Variants in SMARCA4 observed in about 807,000 individuals in gnomAD.
The protein encoded by SMARCA4 is SWI/SNF related BAF chromatin remodeling complex subunit ATPase 4.
A neutral mutation model predicts 193.9 loss-of-function variants in SMARCA4; 31 were observed. The ratio of observed to expected loss-of-function variants is 0.16; its 90% confidence interval spans 0.12 to 0.22. The LOEUF (loss-of-function observed/expected upper bound fraction) is 0.22. SMARCA4 is among the 10% of genes least tolerant of loss of function. The pLI, the probability that SMARCA4 is intolerant of heterozygous loss-of-function variation, is 1.00. For synonymous variants in SMARCA4, 942 were observed against 933.1 expected (o/e 1.01, Z -0.17); for missense variants, 1,148 against 2,296.0 (o/e 0.50, Z 10.22).
At position 10,963,701 on chromosome 19, in the gene SMARCA4, G is replaced by C. The variant is rs111633430; in HGVS notation, c.-32+2527G>C. Among the ~76,000 whole-genome samples, 212 of 152,294 alleles carry C rather than the reference G, an allele frequency of 1.4e-3. 1 individual carries two copies. The highest frequency in any genetic ancestry group is 4.8e-3 in the African/African-American group (198 of 41,552). Reference sequence around the variant, plus strand: ...CCGAAACTTCACAGGCTTCTTGTGAGGGTTGAATGAGGTCACATGGGAAGC... The same window carrying C: ...CCGAAACTTCACAGGCTTCTTGTGACGGTTGAATGAGGTCACATGGGAAGC... On this transcript the variant is annotated intron_variant, in intron 1 of 34. Coordinates refer to ENST00000344626, the MANE Select transcript of SMARCA4 (RefSeq NM_003072.5).
chr19:11,024,068 G>A (rs889039440), intron 20 of SMARCA4, among the ~76,000 whole-genome samples: 13 of 152,172 alleles, frequency 8.5e-5, no homozygotes, highest in African/African-American at 3.1e-4. Flanking sequence ...TTTGTTTCCT[G>A]GCTGGCTGTA....
intron 8 of SMARCA4, 40 bp downstream of exon 8, chr19:10,991,363 C>A (rs1367363041): frequency 1.3e-6 from 2 of 1,556,658 alleles, no homozygotes; most frequent in Non-Finnish European, 1.7e-6. Flanking sequence ...GCCCGCCCAC[C>A]TGGCTGCCTG....
chr19:11,037,914 C>T (rs753123462), intron 29 of SMARCA4, among the ~76,000 whole-genome samples: 1 of 152,224 alleles, frequency 6.6e-6, no homozygotes, highest in African/African-American at 2.4e-5. Flanking sequence ...TCTTATTACA[C>T]AGTATATTCA....
chr19:11,039,722 G>A, intron 29 of SMARCA4: 2 of 399,328 alleles, frequency 5.0e-6, no homozygotes, highest in Non-Finnish European at 8.8e-6. Context: ...GCTAAGATGG[G>A]AAGATCACTT....
intron 29 of SMARCA4, among the ~76,000 whole-genome samples, chr19:11,036,584 G>T (rs1272393568): frequency 6.6e-6 from 1 of 152,174 alleles, no homozygotes; most frequent in Admixed American, 6.5e-5. Flanking sequence ...GAGGCAGTGA[G>T]TACCTTTTAA....
rs752056441 is a variant in SMARCA4, at chr19:11,030,686, C to T, written c.3383-44C>T. ...TGTTCCTTGGTGTCCCCACTCTACC[C>T]CTGAGGTCACCCCGCTGACCCTGTT... On this transcript the variant is annotated intron_variant, in intron 24 of 34. Transcript: ENST00000344626. The surrounding 1 kb of genome is among the most constrained non-coding windows in gnomAD (Gnocchi z 5.5). The T allele has an allele frequency of 1.0e-5, 16 of 1,581,406 alleles. 1 individual carries two copies. In the South Asian group the frequency reaches 1.1e-4, roughly 11 times the overall value.
At chr19:11,003,577 C>T (rs888457605) in intron 13 of SMARCA4, among the ~76,000 whole-genome samples, 180 bp downstream of exon 13, 5 of 152,070 alleles carry the variant, frequency 3.3e-5, no homozygotes, top group South Asian at 2.1e-4. Context: ...CAGCTTCTGG[C>T]GACATGTGAC....
At chr19:10,991,119 G>A (rs2086520284) in intron 7 of SMARCA4, 31 bp from the exon 8 acceptor site, 1 of 1,612,158 alleles carries the variant, frequency 6.2e-7, no homozygotes, top group African/African-American at 1.3e-5. Flanking sequence ...GAGCTGTGCA[G>A]TGCGCGGGCT....
intron 30 of SMARCA4, among the ~76,000 whole-genome samples, chr19:11,052,050 G>A (rs2076291461): frequency 6.6e-6 from 1 of 152,084 alleles, no homozygotes; most frequent in Non-Finnish European, 1.5e-5. Context: ...AGCCGAGATT[G>A]TGCCACTGCA....
chr19:10,980,072 A>G (rs556776226), intron 1 of SMARCA4, among the ~76,000 whole-genome samples: 153 of 152,200 alleles, frequency 1.0e-3, no homozygotes, highest in African/African-American at 3.5e-3. Flanking sequence ...GGCACCAGCA[A>G]CCTCATCACA....
At position 11,041,228 on chromosome 19, in the gene SMARCA4, G is replaced by A. The variant is rs1356422094; in HGVS notation, c.4171-79G>A. 9 of 1,480,530 alleles carry A rather than the reference G, an allele frequency of 6.1e-6. No individual in the cohort carries two copies. The highest frequency in any genetic ancestry group is 3.8e-5 in the South Asian group (3 of 79,646). 91.7% of individuals were successfully genotyped at this position (1,480,530 alleles called of 1,614,324 possible). A position where few individuals can be genotyped will look rare whatever the true frequency, so the allele number is the denominator to read the frequency against. On this transcript the variant is annotated intron_variant, in intron 29 of 34. Transcript: ENST00000344626. The surrounding 1 kb of genome is among the most constrained non-coding windows in gnomAD (Gnocchi z 5.6). ...GGGGCCCTCCTCCGTGTCCCAGCCC[G>A]GCCCCTGGGATTGCGTCGCGGCCTC...
intron 1 of SMARCA4, among the ~76,000 whole-genome samples, chr19:10,968,641 C>G (rs1236021340): frequency 6.6e-6 from 1 of 152,138 alleles, no homozygotes; most frequent in East Asian, 1.9e-4. Flanking sequence ...ATCCACTGTG[C>G]TAGCTCTTGG....
In SMARCA4 at chr19:10,986,996, G is replaced by T. The variant is rs761071237; in HGVS notation, c.852G>T (p.Trp284Cys). Residue 284 changes from tryptophan (W) to cysteine (C), a missense_variant, in exon 5 of 35, where the codon TGG (tryptophan) becomes TGT (cysteine). Coordinates refer to ENST00000344626, the MANE Select transcript of SMARCA4 (RefSeq NM_003072.5). This position sits in a 1 kb window ranked among gnomAD's most constrained non-coding sequence, Gnocchi z 6.7. ...CTCCTGGAGGGCCTCCCAAGCCCTG[G>T]CCTGAAGGTGAGCTCCCTCTTCTAT... ...GQPPGGPPKP[W>C]PEGPMANAAA... is the part of the protein sequence containing the mutation. The T allele has an allele frequency of 6.2e-7, 1 of 1,603,308 alleles. No homozygotes were observed. The highest frequency in any genetic ancestry group is 8.5e-7 in the Non-Finnish European group (1 of 1,178,434).
At chr19:11,022,903 T>C (rs952386480) in intron 19 of SMARCA4, among the ~76,000 whole-genome samples, 1 of 152,250 alleles carries the variant, frequency 6.6e-6, no homozygotes, top group Non-Finnish European at 1.5e-5. Context: ...GAGCAAAAGC[T>C]CTGCCAAAGG....
chr19:11,049,033 G>T lies in SMARCA4; in HGVS notation c.4424+7473G>T, dbSNP rs11878623. Among the ~76,000 whole-genome samples the T allele has an allele frequency of 8.7e-3, 1,324 of 152,328 alleles. 19 individuals carry two copies. The highest frequency in any genetic ancestry group is 0.03 in the African/African-American group (1,254 of 41,564). On this transcript the variant is annotated intron_variant, in intron 30 of 34. Coordinates refer to ENST00000344626, the MANE Select transcript of SMARCA4 (RefSeq NM_003072.5). The stretch of plus-strand genomic sequence containing the variant: ...GGCCACAGTAGGAACAGGCTGGAGT[G>T]TTCTGTGGTACCATGCCGGCAGTGC...
chr19:11,041,014 C>G lies in SMARCA4; in HGVS notation c.4171-293C>G. ...GGTGAAGGGATTTCAGGAGCACGTT[C>G]TTTTCTGTACAGAGAAGATAGTTCT... On this transcript the variant is annotated intron_variant, in intron 29 of 34. Transcript: ENST00000344626. This position sits in a 1 kb window ranked among gnomAD's most constrained non-coding sequence, Gnocchi z 5.6. 2.6e-6 allele frequency: 1 copy of G among 389,090 alleles called. No individual in the cohort carries two copies. The highest frequency in any genetic ancestry group is 4.6e-6 in the Non-Finnish European group (1 of 216,494). 24.1% of individuals were successfully genotyped at this position (389,090 alleles called of 1,614,324 possible). A position where few individuals can be genotyped will look rare whatever the true frequency, so the allele number is the denominator to read the frequency against.
rs905279956 is a variant in SMARCA4, at chr19:11,058,701, G to T, written c.4534-87G>T. Reference sequence around the variant, plus strand: ...ATCCTCATAGGCACGAGGAATCCTAGCCCGTGGGGTCTCCAGCACACAGCC... The same window carrying T: ...ATCCTCATAGGCACGAGGAATCCTATCCCGTGGGGTCTCCAGCACACAGCC... On this transcript the variant is annotated intron_variant, in intron 31 of 34. Transcript: ENST00000344626. This position sits in a 1 kb window ranked among gnomAD's most constrained non-coding sequence, Gnocchi z 5.8. 4 of 1,140,862 alleles carry T rather than the reference G, an allele frequency of 3.5e-6. No individual in the cohort carries two copies. Among genetic ancestry groups the T allele is most frequent in the Non-Finnish European group, 4.0e-6 (3 of 756,322 alleles). The allele number at this position is 1,140,862 out of a possible 1,614,324, so 70.7% of individuals were successfully genotyped here.
intron 30 of SMARCA4, among the ~76,000 whole-genome samples, chr19:11,042,697 C>G (rs2075687309): frequency 6.6e-6 from 1 of 152,220 alleles, no homozygotes; most frequent in Non-Finnish European, 1.5e-5. Flanking sequence ...GTCAAAATTA[C>G]CGCGCAAGGC....
intron 7 of SMARCA4, among the ~76,000 whole-genome samples, chr19:10,990,798 A>G (rs534545199): frequency 5.9e-4 from 90 of 152,314 alleles, no homozygotes; most frequent in African/African-American, 1.9e-3. Flanking sequence ...GGCTTGAGCA[A>G]TCCTCCCACC....
Sources: allele counts gnomAD v4.1 joint callset (sites outside exome capture counted in the v4.1 genomes callset), GRCh38; gene constraint gnomAD v4.1.1; non-coding constraint Gnocchi (gnomAD v3.1); transcripts MANE v1.5; gene names NCBI Gene and HGNC (gene_info 2026-07-23, HGNC 2026-07-21).